Variants in DNAJC6 observed in about 807,000 individuals in gnomAD.
The protein encoded by DNAJC6 is DnaJ heat shock protein family (Hsp40) member C6.
In DNAJC6, 34 loss-of-function variants were observed where a neutral mutation model predicts 110.0. The observed-to-expected ratio is 0.31, with a 90% CI of 0.24 to 0.41. DNAJC6 has a LOEUF of 0.41. DNAJC6 is among the 10% of genes least tolerant of loss of function. DNAJC6 has a pLI of 1.00. For missense variants in DNAJC6, 1,031 were observed against 1,207.8 expected (o/e 0.85, Z 2.17); for synonymous variants, 406 against 437.2 (o/e 0.93, Z 0.89).
At chr1:65,309,172 G>A (rs987204420), upstream of DNAJC6, among the ~76,000 whole-genome samples, 37 of 152,080 alleles carry the variant, frequency 2.4e-4, no homozygotes, top group African/African-American at 8.9e-4. Context: ...AGCTTCGCAG[G>A]CCGAGATACC....
intron 9 of DNAJC6, 92 bp from the exon 10 acceptor site, chr1:65,389,164 C>T: frequency 1.7e-6 from 2 of 1,174,960 alleles, no homozygotes; most frequent in East Asian, 4.8e-5. Flanking sequence ...TTAGATTTAA[C>T]CTAAGAGTCA....
At chr1:65,412,887 C>A in intron 18 of DNAJC6, 37 bp from the exon 19 acceptor site, 2 of 1,555,722 alleles carry the variant, frequency 1.3e-6, no homozygotes, top group South Asian at 2.3e-5. Context: ...AAATTTTGGT[C>A]TGTGGTATCT....
At chr1:65,273,317 G>C (rs371789757) in intron 1 of DNAJC6, among the ~76,000 whole-genome samples, 1 of 151,986 alleles carries the variant, frequency 6.6e-6, no homozygotes. Flanking sequence ...CCTTTAAGCC[G>C]GCCAGGCGTG....
chr1:65,318,307 GT>G (rs67274089), intron 1 of DNAJC6, among the ~76,000 whole-genome samples: 6 of 151,324 alleles, frequency 4.0e-5, no homozygotes, highest in Admixed American at 6.6e-5. Context: ...TAAAATATAT[GT>G]TTTTTTTTCT....
chr1:65,380,921 G>GTTTTTTTTTTTTTTTT (rs1162044500), intron 5 of DNAJC6, among the ~76,000 whole-genome samples: 4 of 99,328 alleles, frequency 4.0e-5, no homozygotes, highest in Non-Finnish European at 6.9e-5. Context: ...GTTTTGTTTT[G>GTTTTTTTTTTTTTTTT]TTTTTTTTTT....
At chr1:65,284,010 C>A (rs573592972) in intron 1 of DNAJC6, among the ~76,000 whole-genome samples, 15 of 152,156 alleles carry the variant, frequency 9.9e-5, no homozygotes, top group Non-Finnish European at 2.1e-4. Context: ...GACCTGACTT[C>A]TCTTTCTTCT....
intron 1 of DNAJC6, among the ~76,000 whole-genome samples, chr1:65,339,007 A>G (rs941274076): frequency 6.6e-6 from 1 of 151,968 alleles, no homozygotes; most frequent in African/African-American, 2.4e-5. Flanking sequence ...TCCTTCCCAT[A>G]TGGTCTTATA....
At chr1:65,374,765 C>T (rs972230839) in intron 4 of DNAJC6, among the ~76,000 whole-genome samples, 8 of 151,948 alleles carry the variant, frequency 5.3e-5, no homozygotes, top group African/African-American at 1.9e-4. Context: ...ATTTAGATGT[C>T]CTTTATTTCT....
rs201766287 is a variant in DNAJC6 at position 65,392,678 on chromosome 1, G to A, written c.1716G>A (p.Ala572=). ...SAMSNSFSPP[A]APPTNSELLS... is the part of the protein sequence containing the mutation. The stretch of plus-strand genomic sequence containing the variant: ...TGAGTAACAGCTTCTCTCCGCCAGC[G>A]GCTCCTCCCACCAATTCTGAACTAC... The change falls in exon 12 of 19, where the codon GCG becomes GCA. Residue 572 remains alanine (A), a synonymous_variant. Coordinates refer to ENST00000371069, the MANE Select transcript of DNAJC6 (RefSeq NM_001256864.2). 9.9e-6 allele frequency: 16 copies of A among 1,612,744 alleles called. No individual in the cohort carries two copies. The African/African-American group carries it at 1.1e-4, about 11-fold the overall frequency.
chr1:65,410,908 C>CT (rs929197068), intron 17 of DNAJC6, among the ~76,000 whole-genome samples: 3 of 152,106 alleles, frequency 2.0e-5, no homozygotes, highest in African/African-American at 7.2e-5. Flanking sequence ...AAGTTTGGCC[C>CT]TTTTTTAAGG....
Position 65,394,907 on chromosome 1 carries a change from T to G in DNAJC6, c.1913T>G (p.Phe638Cys). 3 of 1,599,244 alleles carry G rather than the reference T, an allele frequency of 1.9e-6. No individual in the cohort carries two copies. The highest frequency in any genetic ancestry group is 2.6e-6 in the Non-Finnish European group (3 of 1,175,342). Residue 638 changes from phenylalanine to cysteine, a missense_variant, in exon 13 of 19, where the codon TTT becomes TGT. Phe to Cys is a radical substitution (Grantham distance 205). Coordinates refer to ENST00000371069, the MANE Select transcript of DNAJC6 (RefSeq NM_001256864.2). ...PTLRVGEGATFDPFGAPSKPS... is the reference protein window; with the variant it reads ...PTLRVGEGATCDPFGAPSKPS... ...TCCCATTGTTTTCTAGGTGCCACCT[T>G]TGACCCATTTGGAGCACCTTCTAAA...
chr1:65,338,666 T>G (rs1402244983), intron 1 of DNAJC6, among the ~76,000 whole-genome samples: 2 of 152,184 alleles, frequency 1.3e-5, no homozygotes, highest in African/African-American at 4.8e-5. Context: ...TCTTTCAAGT[T>G]TTGGGTTTAT....
chr1:65,409,436 C>T (rs1022521484), intron 17 of DNAJC6, among the ~76,000 whole-genome samples: 3 of 152,084 alleles, frequency 2.0e-5, no homozygotes, highest in Non-Finnish European at 2.9e-5. Context: ...CTTTTGTTTG[C>T]CTGTTCAAAT....
At chr1:65,368,763 C>T (rs1645677118) in intron 4 of DNAJC6, among the ~76,000 whole-genome samples, 1 of 88,952 alleles carries the variant, frequency 1.1e-5, no homozygotes, top group African/African-American at 4.1e-5. Context: ...CCCTTCTCTT[C>T]CCTCCCCTCC....
rs1012521492 is a variant in DNAJC6, at chr1:65,394,768, A to T, written c.1904-130A>T. The stretch of plus-strand genomic sequence containing the variant: ...TAGTTCATCCAACAGGTAAGTCCAG[A>T]CTACTCCTTTGTCCACAAAGATAGG... On this transcript the variant is annotated intron_variant, in intron 12 of 18. Transcript: ENST00000371069. 4.6e-6 allele frequency: 5 copies of T among 1,094,832 alleles called. No homozygotes were observed. In the African/African-American group the frequency reaches 6.5e-5, roughly 14 times the overall value. The allele number at this position is 1,094,832 out of a possible 1,614,324, so 67.8% of individuals were successfully genotyped here. A position where few individuals can be genotyped will look rare whatever the true frequency, so the allele number is the denominator to read the frequency against.
chr1:65,286,374 GT>G (rs1325926615), intron 1 of DNAJC6, among the ~76,000 whole-genome samples: 2 of 152,092 alleles, frequency 1.3e-5, no homozygotes, highest in African/African-American at 4.8e-5. Flanking sequence ...AGCCTCCCGA[GT>G]AGCTGGGACT....
intron 1 of DNAJC6, among the ~76,000 whole-genome samples, chr1:65,290,847 T>C (rs948937071): frequency 6.6e-6 from 1 of 152,214 alleles, no homozygotes; most frequent in Non-Finnish European, 1.5e-5. Context: ...ATAGATTGGA[T>C]GTTAGATGAC....
At chr1:65,354,397 C>T (rs1306449900) in intron 1 of DNAJC6, among the ~76,000 whole-genome samples, 2 of 152,190 alleles carry the variant, frequency 1.3e-5, no homozygotes, top group African/African-American at 4.8e-5. Flanking sequence ...GTGCTTAGTG[C>T]AAGCATCCCA....
upstream of DNAJC6, among the ~76,000 whole-genome samples, chr1:65,308,928 C>G (rs757017912): frequency 4.0e-5 from 3 of 75,134 alleles, no homozygotes; most frequent in African/African-American, 9.9e-5. Flanking sequence ...TGATATCTCC[C>G]TTAGGGATCA....
Sources: allele counts gnomAD v4.1 joint callset (sites outside exome capture counted in the v4.1 genomes callset), GRCh38; gene constraint gnomAD v4.1.1; transcripts MANE v1.5; gene names NCBI Gene and HGNC (gene_info 2026-07-23, HGNC 2026-07-21).